Variants in STYXL1 observed in about 807,000 individuals in gnomAD.
STYXL1 encodes the protein serine/threonine/tyrosine interacting like 1.
In STYXL1, 32 loss-of-function variants were observed where a neutral mutation model predicts 36.4. That is an observed-to-expected ratio of 0.88 (90% CI 0.66 to 1.18). The LOEUF is 1.18. Ranked by LOEUF, STYXL1 falls within the 50% of genes most tolerant of loss-of-function variation. The pLI, the probability that STYXL1 is intolerant of heterozygous loss-of-function variation, is 0.00. For synonymous variants in STYXL1, 133 were observed against 144.1 expected (o/e 0.92, Z 0.55); for missense variants, 354 against 394.1 (o/e 0.90, Z 0.86).
intron 6 of STYXL1, among the ~76,000 whole-genome samples, chr7:76,004,134 C>T (rs1341573853): frequency 6.6e-6 from 1 of 152,088 alleles, no homozygotes; most frequent in Non-Finnish European, 1.5e-5. Flanking sequence ...CGCTCTGTTG[C>T]CCAGGCTGGA....
At chr7:76,017,866 C>CAAAA (rs71082374) in intron 4 of STYXL1, among the ~76,000 whole-genome samples, 291 of 10,360 alleles carry the variant, frequency 0.028, 55 homozygotes, top group South Asian at 0.092. Context: ...AACTCCATCT[C>CAAAA]AAAAAAAAAA....
rs548910057 is a variant in STYXL1, at chr7:76,021,538, G to A, written c.307+313C>T. Among the ~76,000 whole-genome samples the A allele has an allele frequency of 9.2e-5, 14 of 152,164 alleles. No individual in the cohort carries two copies. The South Asian group carries it at 1.7e-3, about 18-fold the overall frequency. ...CACAGGAGCTGACTCACCAAAGAAC[G>A]CAGTTTCCACGTCCTGATTATTTCA... is the stretch of plus-strand genomic sequence containing the variant. On this transcript the variant is annotated intron_variant, in intron 4 of 8. Transcript: ENST00000359697.
chr7:76,001,938 C>G (rs1790996015), intron 7 of STYXL1, among the ~76,000 whole-genome samples: 1 of 151,198 alleles, frequency 6.6e-6, no homozygotes, highest in Non-Finnish European at 1.5e-5. Context: ...CTGTGCCCAG[C>G]CTATTTTTAT....
chr7:76,010,810 C>A (rs922761681), intron 5 of STYXL1, among the ~76,000 whole-genome samples: 4 of 152,136 alleles, frequency 2.6e-5, no homozygotes, highest in African/African-American at 9.7e-5. Flanking sequence ...GGCTGCCCAG[C>A]TCTAGGGCAT....
chr7:76,025,367 G>A (rs185432894), intron 3 of STYXL1, among the ~76,000 whole-genome samples: 15 of 152,210 alleles, frequency 9.9e-5, no homozygotes, highest in African/African-American at 3.4e-4. Flanking sequence ...GAGGGGCAGA[G>A]GCCCAGAGCA....
chr7:76,044,130 G>A (rs1378587857), intron 1 of STYXL1: 4 of 152,158 alleles, frequency 2.6e-5, no homozygotes, highest in Non-Finnish European at 4.4e-5. Flanking sequence ...TCCTTAGAGA[G>A]AGGCAGATAG....
intron 4 of STYXL1, among the ~76,000 whole-genome samples, chr7:76,019,320 A>G (rs577868865): frequency 3.1e-4 from 47 of 149,972 alleles, no homozygotes; most frequent in African/African-American, 1.1e-3. Context: ...TTTTAGAGAC[A>G]GGGTCTTACG....
At chr7:76,033,851 A>G (rs1795653742) in intron 1 of STYXL1, among the ~76,000 whole-genome samples, 1 of 152,178 alleles carries the variant, frequency 6.6e-6, no homozygotes, top group African/African-American at 2.4e-5. Context: ...CCTGGAGTCA[A>G]ACTCTTTTAG....
intron 7 of STYXL1, among the ~76,000 whole-genome samples, chr7:76,003,401 T>C (rs553129970): frequency 1.3e-5 from 2 of 152,330 alleles, no homozygotes; most frequent in East Asian, 3.9e-4. Flanking sequence ...GAGATAGATT[T>C]ACTACTGGTC....
At chr7:75,997,964 C>A (rs568635190) in intron 8 of STYXL1, among the ~76,000 whole-genome samples, 6 of 152,288 alleles carry the variant, frequency 3.9e-5, no homozygotes, top group Admixed American at 1.3e-4. Context: ...AATGAAAAGA[C>A]ATCCTGTGTT....
At position 76,003,798 on chromosome 7, in the gene STYXL1, G is replaced by C. The variant is rs1264327000; in HGVS notation, c.657C>G (p.Ala219=). ...LHIRIEDSPE[A]QILPFLRHMC... ...TGTGGCGTAAGAAGGGAAGAATCTG[G>C]GCTTCCGGGGAATCTTCTATCCGGA... Residue 219 remains alanine (A), a synonymous_variant, in exon 7 of 9, where the codon GCC becomes GCG. Coordinates refer to ENST00000359697, the MANE Select transcript of STYXL1 (RefSeq NM_001317785.2). 14 of 1,614,060 alleles carry C rather than the reference G, an allele frequency of 8.7e-6. No individual in the cohort carries two copies. The Admixed American group carries it at 2.3e-4, about 27-fold the overall frequency.
intron 1 of STYXL1, among the ~76,000 whole-genome samples, chr7:76,040,413 T>G (rs140294452): frequency 6.6e-6 from 1 of 152,178 alleles, no homozygotes; most frequent in Non-Finnish European, 1.5e-5. Flanking sequence ...TCAGCGACTC[T>G]CAGCTCTTGG....
At chr7:76,003,281 C>G (rs782335822) in intron 7 of STYXL1, among the ~76,000 whole-genome samples, 1 of 152,196 alleles carries the variant, frequency 6.6e-6, no homozygotes, top group Non-Finnish European at 1.5e-5. Flanking sequence ...ACCAACCAAC[C>G]AACAAACAAA....
chr7:76,006,387 C>A (rs1791770033), intron 5 of STYXL1, among the ~76,000 whole-genome samples: 1 of 152,112 alleles, frequency 6.6e-6, no homozygotes, highest in South Asian at 2.1e-4. Flanking sequence ...AGAAATGAAG[C>A]CAGTGTATGT....
rs1389949217 is a variant in STYXL1 at position 76,005,381 on chromosome 7, G to A, written c.477C>T (p.Tyr159=). ...CCTTCCCTGGCACGATTTCAATGGG[G>A]TATGGCTGAAATGCATCCAGTTCCT... ...MPQELDAFQP[Y]PIEIVPGKVF... The change falls in exon 6 of 9, where the codon TAC becomes TAT. Residue 159 remains tyrosine (Y), a synonymous_variant. Coordinates refer to ENST00000359697, the MANE Select transcript of STYXL1 (RefSeq NM_001317785.2). 1.2e-6 allele frequency: 2 copies of A among 1,612,842 alleles called. No homozygotes were observed. The highest frequency in any genetic ancestry group is 1.7e-6 in the Non-Finnish European group (2 of 1,179,152).
intron 5 of STYXL1, among the ~76,000 whole-genome samples, chr7:76,005,859 A>AAGAGAGAG (rs1563467880): frequency 5.2e-4 from 15 of 28,816 alleles, no homozygotes; most frequent in African/African-American, 2.1e-3. Flanking sequence ...AGAGGAGGAG[A>AAGAGAGAG]GAGGAGGAAG....
In STYXL1 at chr7:75,996,479, G is replaced by C. The variant is rs150015474; in HGVS notation, c.931C>G (p.Pro311Ala). ...GGCCTCGGAGAAGATCAGTAGAGCG[G>C]ATCCATGATGTTTGTGATGGAATCT... ...LGDSITNIMD[P>A]LY Residue 311 changes from proline (P) to alanine (A), a missense_variant, in exon 9 of 9, where the codon CCG becomes GCG. Coordinates refer to ENST00000359697, the MANE Select transcript of STYXL1 (RefSeq NM_001317785.2). The C allele has an allele frequency of 1.4e-3, 2,219 of 1,614,188 alleles. 27 individuals carry two copies. The African/African-American group carries it at 0.023, about 16-fold the overall frequency.
At chr7:76,018,414 C>T (rs1468276833) in intron 4 of STYXL1, among the ~76,000 whole-genome samples, 2 of 150,264 alleles carry the variant, frequency 1.3e-5, no homozygotes, top group African/African-American at 2.5e-5. Flanking sequence ...TTTTTGAGAC[C>T]GAGTTTCACT....
chr7:76,003,745 G>A lies in STYXL1; in HGVS notation c.697+13C>T, dbSNP rs781805820. Reference sequence around the variant, plus strand: ...ACAGGCCAGTTGCTACCCGGCCAAGGAACGCTCCTTACCAATGAAGTGACA... The same window carrying A: ...ACAGGCCAGTTGCTACCCGGCCAAGAAACGCTCCTTACCAATGAAGTGACA... On this transcript the variant is annotated intron_variant, in intron 7 of 8. Coordinates refer to ENST00000359697, the MANE Select transcript of STYXL1 (RefSeq NM_001317785.2). The A allele has an allele frequency of 2.5e-6, 4 of 1,613,500 alleles. No homozygotes were observed. The highest frequency in any genetic ancestry group is 2.7e-5 in the African/African-American group (2 of 74,908).
Sources: allele counts gnomAD v4.1 joint callset (sites outside exome capture counted in the v4.1 genomes callset), GRCh38; gene constraint gnomAD v4.1.1; transcripts MANE v1.5; gene names NCBI Gene and HGNC (gene_info 2026-07-23, HGNC 2026-07-21).